MARCHF1: variants seen among roughly 807,000 people sequenced by gnomAD.
MARCHF1 encodes membrane associated ring-CH-type finger 1, also known as E3 ubiquitin-protein ligase MARCHF1.
A neutral mutation model predicts 54.2 loss-of-function variants in MARCHF1; 40 were observed. The ratio of observed to expected loss-of-function variants is 0.74; its 90% confidence interval spans 0.57 to 0.96. The LOEUF (loss-of-function observed/expected upper bound fraction) is 0.96, where lower values mean the gene tolerates loss of function less well. Among genes scored for constraint, MARCHF1 ranks in the 40% least tolerant of loss-of-function variants. MARCHF1 has a pLI of 0.00. For missense variants in MARCHF1, 586 were observed against 656.5 expected (o/e 0.89, Z 1.17); for synonymous variants, 236 against 236.3 (o/e 1.00, Z 0.01).
intron 1 of MARCHF1, among the ~76,000 whole-genome samples, chr4:164,201,386 A>T (rs1560951747): frequency 1.3e-5 from 2 of 151,730 alleles, no homozygotes; most frequent in Admixed American, 1.3e-4. Context: ...CACCCAGATA[A>T]TTTTTTTGTA....
intron 3 of MARCHF1, among the ~76,000 whole-genome samples, chr4:163,942,014 T>G (rs942079589): frequency 1.6e-4 from 25 of 152,162 alleles, no homozygotes; most frequent in African/African-American, 5.8e-4. Flanking sequence ...TACATGAAAT[T>G]GAGTGTGAAG....
chr4:163,901,211 CT>C (rs1474223923), intron 3 of MARCHF1, among the ~76,000 whole-genome samples: 1 of 152,154 alleles, frequency 6.6e-6, no homozygotes, highest in Non-Finnish European at 1.5e-5. Context: ...AGAATCTCAC[CT>C]TTTTTTCTCT....
intron 4 of MARCHF1, among the ~76,000 whole-genome samples, chr4:163,752,207 AT>A (rs2110785222): frequency 6.6e-6 from 1 of 152,328 alleles, no homozygotes; most frequent in Admixed American, 6.5e-5. Flanking sequence ...CAACACCTAA[AT>A]GCAATAGAAA....
chr4:164,275,118 A>G (rs937017035), intron 1 of MARCHF1, among the ~76,000 whole-genome samples: 9 of 151,742 alleles, frequency 5.9e-5, no homozygotes, highest in African/African-American at 2.2e-4. Flanking sequence ...TCTTTAATAA[A>G]ATATAATAAG....
chr4:163,931,134 A>G (rs962805867), intron 3 of MARCHF1, among the ~76,000 whole-genome samples: 1 of 152,162 alleles, frequency 6.6e-6, no homozygotes, highest in Non-Finnish European at 1.5e-5. Context: ...GATACGTGCA[A>G]GCAAGGAAGA....
intron 4 of MARCHF1, among the ~76,000 whole-genome samples, chr4:163,744,700 A>G (rs1293644661): frequency 1.3e-5 from 2 of 152,188 alleles, no homozygotes; most frequent in African/African-American, 4.8e-5. Flanking sequence ...AGAAAATGTT[A>G]CACCTTTTCC....
chr4:163,911,809 T>C (rs1751194776), intron 3 of MARCHF1, among the ~76,000 whole-genome samples: 1 of 152,166 alleles, frequency 6.6e-6, no homozygotes, highest in Non-Finnish European at 1.5e-5. Flanking sequence ...AATATGGTCA[T>C]CTATCCTACT....
chr4:164,020,629 T>C (rs1293048347), intron 2 of MARCHF1, among the ~76,000 whole-genome samples: 2 of 152,196 alleles, frequency 1.3e-5, no homozygotes, highest in East Asian at 1.9e-4. Context: ...GGACGTTCTG[T>C]ACAACATATG....
At chr4:164,026,944 T>C (rs1272227675) in intron 2 of MARCHF1, among the ~76,000 whole-genome samples, 3 of 151,976 alleles carry the variant, frequency 2.0e-5, no homozygotes, top group Non-Finnish European at 2.9e-5. Context: ...ACACTAATCA[T>C]GGTCAAGCTG....
chr4:163,535,690 A>G (rs1431586110), intron 9 of MARCHF1, among the ~76,000 whole-genome samples: 4 of 151,998 alleles, frequency 2.6e-5, no homozygotes, highest in Admixed American at 1.3e-4. Context: ...AACGGTAGTT[A>G]GTAATAAAAA....
At chr4:163,889,906 GTTTA>G (rs1750617746) in intron 3 of MARCHF1, among the ~76,000 whole-genome samples, 1 of 137,690 alleles carries the variant, frequency 7.3e-6, no homozygotes, top group Non-Finnish European at 1.5e-5. Context: ...GTTAAACTTC[GTTTA>G]TTTATTTTCT....
At chr4:164,328,307 G>GATTTATGA (rs1182669889) in intron 1 of MARCHF1, among the ~76,000 whole-genome samples, 1 of 152,054 alleles carries the variant, frequency 6.6e-6, no homozygotes, top group African/African-American at 2.4e-5. Context: ...GTAATCTTTA[G>GATTTATGA]ATTTATGATT....
intron 5 of MARCHF1, among the ~76,000 whole-genome samples, chr4:163,641,379 TA>T (rs959085848): frequency 6.6e-6 from 1 of 152,104 alleles, no homozygotes; most frequent in African/African-American, 2.4e-5. Context: ...GATAATAGTA[TA>T]AAAAATTATG....
At chr4:163,734,894 C>A (rs752141152) in intron 4 of MARCHF1, among the ~76,000 whole-genome samples, 3 of 152,072 alleles carry the variant, frequency 2.0e-5, no homozygotes, top group Admixed American at 2.0e-4. Flanking sequence ...TGCTCATTGC[C>A]CTCTAATGTC....
intron 3 of MARCHF1, among the ~76,000 whole-genome samples, chr4:163,878,600 A>G (rs1042975569): frequency 6.6e-6 from 1 of 152,196 alleles, no homozygotes; most frequent in African/African-American, 2.4e-5. Context: ...ATCCAGCAGC[A>G]CTAGTGTATG....
intron 1 of MARCHF1, among the ~76,000 whole-genome samples, chr4:164,131,137 C>T (rs1022156175): frequency 2.0e-5 from 3 of 152,056 alleles, no homozygotes; most frequent in Admixed American, 2.0e-4. Context: ...CCAAACCAAA[C>T]TCCCTCCAAA....
intron 3 of MARCHF1, among the ~76,000 whole-genome samples, chr4:163,863,511 A>T (rs1312022766): frequency 6.6e-6 from 1 of 152,102 alleles, no homozygotes; most frequent in Non-Finnish European, 1.5e-5. Flanking sequence ...GTGGAAAAGC[A>T]TATGCCATGT....
At chr4:164,316,575 T>A (rs555507750) in intron 1 of MARCHF1, among the ~76,000 whole-genome samples, 5 of 152,082 alleles carry the variant, frequency 3.3e-5, no homozygotes, top group African/African-American at 1.2e-4. Context: ...CCTATACTTA[T>A]CCACTGAAGC....
At chr4:164,123,387 G>A (rs1756112394) in intron 1 of MARCHF1, among the ~76,000 whole-genome samples, 1 of 152,008 alleles carries the variant, frequency 6.6e-6, no homozygotes, top group Admixed American at 6.6e-5. Flanking sequence ...ACTACCGAAA[G>A]CAATCTATAG....
Sources: allele counts gnomAD v4.1 joint callset (sites outside exome capture counted in the v4.1 genomes callset), GRCh38; gene constraint gnomAD v4.1.1; transcripts MANE v1.5; gene names NCBI Gene and HGNC (gene_info 2026-07-23, HGNC 2026-07-21).